Variants in PTCHD4 observed in about 807,000 individuals in gnomAD.
PTCHD4 encodes patched domain containing 4, also known as patched domain-containing protein 4.
Under a neutral mutation model 58.1 loss-of-function variants are expected in PTCHD4, and 33 were observed. The ratio of observed to expected loss-of-function variants is 0.57; its 90% CI spans 0.43 to 0.76. PTCHD4 has a LOEUF of 0.76. Among genes scored for constraint, PTCHD4 ranks in the 30% least tolerant of loss-of-function variants. The pLI is 0.00. For synonymous variants in PTCHD4, 478 were observed against 409.6 expected, an observed-to-expected ratio of 1.17 and a Z score of -2.02; for missense variants, 1,058 against 1,027.1, an observed-to-expected ratio of 1.03 and a Z score of -0.41.
At chr6:47,901,782 A>G in intron 4 of PTCHD4, 1 of 1,242,904 alleles carries the variant, frequency 8.0e-7, no homozygotes, top group Non-Finnish European at 1.0e-6. Flanking sequence ...GATGATGACG[A>G]TGATGATGAT....
intron 4 of PTCHD4, among the ~76,000 whole-genome samples, chr6:47,981,714 A>G (rs1301298200): frequency 7.2e-5 from 11 of 152,184 alleles, no homozygotes; most frequent in Admixed American, 3.9e-4. Context: ...CTTGCCCTCA[A>G]GCAGTCTTAA....
At chr6:47,902,045 CCAT>C (rs1283576731) in intron 4 of PTCHD4, 2 of 569,618 alleles carry the variant, frequency 3.5e-6, no homozygotes, top group Non-Finnish European at 5.8e-6. Flanking sequence ...AGAGTTATCA[CCAT>C]CATCAACAAC....
rs991223643 is a variant in PTCHD4 at position 47,898,583 on chromosome 6, T to G, written c.899-18647A>C. Among the ~76,000 whole-genome samples the G allele has an allele frequency of 2.0e-5, 3 of 152,190 alleles. No homozygotes were observed. The South Asian group carries it at 6.2e-4, about 31-fold the overall frequency. ...AAATGTTTACATGATACCACTCACA[T>G]TTTTTCAAGGATTCTTGTAAATAAA... On this transcript the variant is annotated intron_variant, in intron 4 of 4. Coordinates refer to ENST00000339488, the MANE Select transcript of PTCHD4 (RefSeq NM_001384253.1).
intron 1 of PTCHD4, among the ~76,000 whole-genome samples, chr6:48,078,056 A>G (rs1336059840): frequency 3.3e-5 from 5 of 152,208 alleles, no homozygotes; most frequent in Non-Finnish European, 7.4e-5. Context: ...AAAACACAAT[A>G]TCTGCAAAGC....
At chr6:48,051,754 A>G (rs1764242490) in intron 3 of PTCHD4, among the ~76,000 whole-genome samples, 1 of 152,044 alleles carries the variant, frequency 6.6e-6, no homozygotes, top group Admixed American at 6.6e-5. Flanking sequence ...ATTTTAATGA[A>G]TAAATTTTGA....
chr6:48,092,393 T>C (rs1042603850), intron 1 of PTCHD4, among the ~76,000 whole-genome samples: 15 of 152,206 alleles, frequency 9.9e-5, no homozygotes, highest in African/African-American at 3.1e-4. Flanking sequence ...ATTTTGTCAA[T>C]ATGCAGCTAG....
intron 3 of PTCHD4, among the ~76,000 whole-genome samples, chr6:48,024,151 G>T (rs1239692121): frequency 1.3e-5 from 2 of 152,110 alleles, no homozygotes; most frequent in African/African-American, 4.8e-5. Context: ...CTGTTATTTT[G>T]TAGGGCTCCA....
chr6:48,032,731 CT>C (rs1763494347), intron 3 of PTCHD4, among the ~76,000 whole-genome samples: 1 of 152,022 alleles, frequency 6.6e-6, no homozygotes, highest in Admixed American at 6.6e-5. Flanking sequence ...TGCAAGGAAA[CT>C]TTTTATCTGT....
chr6:48,042,011 T>A (rs1384323545), intron 3 of PTCHD4, among the ~76,000 whole-genome samples: 1 of 152,048 alleles, frequency 6.6e-6, no homozygotes, highest in South Asian at 2.1e-4. Context: ...TTAATTAGAA[T>A]CTTGGCACTC....
chr6:47,893,391 G>A (rs1764438923), intron 4 of PTCHD4, among the ~76,000 whole-genome samples: 1 of 152,170 alleles, frequency 6.6e-6, no homozygotes, highest in Non-Finnish European at 1.5e-5. Context: ...TGTATGTGTA[G>A]CAACTAAAAA....
chr6:48,051,816 CCAA>C (rs1477576196), intron 3 of PTCHD4, among the ~76,000 whole-genome samples: 2 of 151,992 alleles, frequency 1.3e-5, no homozygotes, highest in Non-Finnish European at 2.9e-5. Flanking sequence ...AAGATTTTCA[CCAA>C]CAAGTAAAGC....
In PTCHD4 at chr6:47,861,944, C is replaced by T. The variant is rs1249543309; in HGVS notation, c.*16359G>A. 1.3e-5 allele frequency among the ~76,000 whole-genome samples: 2 copies of T among 151,922 alleles called. No individual in the cohort carries two copies. Among genetic ancestry groups the T allele is most frequent in the African/African-American group, 4.8e-5 (2 of 41,518 alleles). On this transcript the variant is annotated 3_prime_UTR_variant, in exon 5 of 5. Coordinates refer to ENST00000339488, the MANE Select transcript of PTCHD4 (RefSeq NM_001384253.1). ...ATTTTCCTAGTTCCTAGGTAACTGTCCATATTTCCTGTTATCGAAAAAGTT... is the reference window on the plus strand; with the variant it reads ...ATTTTCCTAGTTCCTAGGTAACTGTTCATATTTCCTGTTATCGAAAAAGTT...
At chr6:47,992,237 ATATT>A (rs1369686796) in intron 4 of PTCHD4, among the ~76,000 whole-genome samples, 2 of 152,204 alleles carry the variant, frequency 1.3e-5, no homozygotes, top group Admixed American at 1.3e-4. Context: ...TGCTGATAAA[ATATT>A]TAATTCACCA....
intron 4 of PTCHD4, among the ~76,000 whole-genome samples, chr6:47,980,996 C>T (rs1448776707): frequency 6.6e-6 from 1 of 152,032 alleles, no homozygotes; most frequent in African/African-American, 2.4e-5. Flanking sequence ...TTTATGACTG[C>T]ATCTTGCAAA....
chr6:48,020,669 A>G (rs1191879347), intron 3 of PTCHD4, among the ~76,000 whole-genome samples: 1 of 152,140 alleles, frequency 6.6e-6, no homozygotes, highest in Non-Finnish European at 1.5e-5. Context: ...GTTTAGAGAC[A>G]AAGCACATAA....
At chr6:48,044,896 G>C (rs1169156957) in intron 3 of PTCHD4, among the ~76,000 whole-genome samples, 2 of 151,766 alleles carry the variant, frequency 1.3e-5, no homozygotes, top group African/African-American at 4.8e-5. Flanking sequence ...AGATTTAGAG[G>C]CTACAATTCT....
intron 1 of PTCHD4, among the ~76,000 whole-genome samples, chr6:48,073,993 C>A (rs1415558229): frequency 6.6e-6 from 1 of 152,038 alleles, no homozygotes; most frequent in African/African-American, 2.4e-5. Flanking sequence ...CATCTGACCC[C>A]CTTTTGTCAT....
intron 4 of PTCHD4, among the ~76,000 whole-genome samples, chr6:47,999,341 T>C (rs539407159): frequency 6.6e-6 from 1 of 152,288 alleles, no homozygotes; most frequent in Non-Finnish European, 1.5e-5. Context: ...AAGAGGTGAC[T>C]GTCACCAAAG....
chr6:47,923,165 TATC>T (rs969098458), intron 4 of PTCHD4, among the ~76,000 whole-genome samples: 15 of 152,290 alleles, frequency 9.8e-5, no homozygotes, highest in African/African-American at 2.9e-4. Flanking sequence ...TTAAATATGT[TATC>T]ATAAAAATAA....
Sources: gnomAD v4.1 joint callset for allele counts (sites outside exome capture counted in the v4.1 genomes callset) on GRCh38, gnomAD v4.1.1 for gene constraint, MANE v1.5 for transcripts, NCBI Gene and HGNC (gene_info 2026-07-23, HGNC 2026-07-21) for gene names.